The following DIP2A variants were observed in gnomAD, a reference collection of about 807,000 sequenced individuals.
DIP2A encodes the protein DIP2 acetate--CoA ligase A.
Under a neutral mutation model 177.4 loss-of-function variants are expected in DIP2A, and 85 were observed. The ratio of observed to expected loss-of-function variants is 0.48; its 90% CI spans 0.40 to 0.57. The LOEUF is 0.57. Among genes scored for constraint, DIP2A ranks in the 20% least tolerant of loss-of-function variants. The probability of loss-of-function intolerance (pLI) is 0.00; values close to 1 mark genes in which losing one functional copy is unlikely to be tolerated. For synonymous variants in DIP2A, 886 were observed against 881.8 expected (o/e 1.00, Z -0.08); for missense variants, 1,791 against 2,100.2 (o/e 0.85, Z 2.88).
Position 46,567,820 on chromosome 21 carries a change from C to T in DIP2A, c.*198C>T, listed in dbSNP as rs1764894980. ...AGAAATATTTTGAATCTGCCAAGTA[C>T]ATTTACAAAAACACGGATGCTGGTA... On this transcript the variant is annotated 3_prime_UTR_variant, in exon 38 of 38. Coordinates refer to ENST00000417564, the MANE Select transcript of DIP2A (RefSeq NM_015151.4). The T allele has an allele frequency of 3.4e-6, 2 of 596,928 alleles. No individual in the cohort carries two copies. The highest frequency in any genetic ancestry group is 8.0e-5 in the South Asian group (2 of 24,970). 37.0% of individuals were successfully genotyped at this position (596,928 alleles called of 1,614,324 possible).
rs1456861945 is a variant in DIP2A at position 46,498,132 on chromosome 21, A to G, written c.404-450A>G. Among the ~76,000 whole-genome samples the G allele has an allele frequency of 6.6e-6, 1 of 152,214 alleles. No individual in the cohort carries two copies. The highest frequency in any genetic ancestry group is 2.4e-5 in the African/African-American group (1 of 41,454). On this transcript the variant is annotated intron_variant, in intron 4 of 37. Transcript: ENST00000417564. The surrounding 1 kb of genome is among the most constrained non-coding windows in gnomAD (Gnocchi z 4.3). ...CCATGTTGTTGCTGGGGCCATGCAC[A>G]GGCCAGGATGCCTTCTCACTGCCTC...
At chr21:46,532,639 A>G (rs1356003941) in intron 10 of DIP2A, among the ~76,000 whole-genome samples, 4 of 152,244 alleles carry the variant, frequency 2.6e-5, no homozygotes, top group African/African-American at 9.6e-5. Context: ...TCTTAGGGAT[A>G]AATATATCAT....
chr21:46,504,284 A>G, intron 5 of DIP2A, 77 bp from the exon 6 acceptor site: 2 of 1,566,198 alleles, frequency 1.3e-6, no homozygotes, highest in Non-Finnish European at 1.7e-6. Flanking sequence ...GCTTTAGACT[A>G]ACGGGGTTTC....
chr21:46,548,923 A>G (rs976216565), intron 21 of DIP2A, among the ~76,000 whole-genome samples: 5 of 152,258 alleles, frequency 3.3e-5, no homozygotes, highest in African/African-American at 9.6e-5. Flanking sequence ...ATAACAGTGC[A>G]CCCAATTTAT....
chr21:46,511,332 A>G (rs1029262), intron 7 of DIP2A, 85 bp from the exon 8 acceptor site: 453,321 of 1,342,690 alleles, frequency 0.34, 78,424 homozygotes, highest in Admixed American at 0.39. Context: ...TTAAAAAACA[A>G]TATTATAAAC....
intron 1 of DIP2A, among the ~76,000 whole-genome samples, chr21:46,465,951 T>G (rs1449711002): frequency 6.6e-6 from 1 of 152,184 alleles, no homozygotes; most frequent in Non-Finnish European, 1.5e-5. Context: ...TATTGAGACT[T>G]GGGTATTTGG....
chr21:46,554,764 C>G, intron 27 of DIP2A, 58 bp from the exon 28 acceptor site: 1 of 1,544,788 alleles, frequency 6.5e-7, no homozygotes, highest in Non-Finnish European at 8.7e-7. Flanking sequence ...TCCGCTGCCC[C>G]CTTTTCTGGG....
chr21:46,547,371 T>C (rs932335989), intron 21 of DIP2A, among the ~76,000 whole-genome samples: 13 of 152,150 alleles, frequency 8.5e-5, no homozygotes, highest in African/African-American at 3.1e-4. Context: ...AACCTTGGAA[T>C]GTGAATTAAA....
At position 46,538,626 on chromosome 21, in the gene DIP2A, G is replaced by A. The variant is rs372415615; in HGVS notation, c.1921+24G>A. On this transcript the variant is annotated intron_variant, in intron 16 of 37. Transcript: ENST00000417564. Reference sequence around the variant, plus strand: ...GTGTGAGTGAGCCTGTGTGCCCGGCGCATACCCCACACAGTGTCCCCTCCT... The same window carrying A: ...GTGTGAGTGAGCCTGTGTGCCCGGCACATACCCCACACAGTGTCCCCTCCT... The A allele has an allele frequency of 3.7e-4, 570 of 1,544,656 alleles. 1 individual carries two copies. The highest frequency in any genetic ancestry group is 4.2e-4 in the Non-Finnish European group (478 of 1,146,676).
At chr21:46,543,485 C>T (rs1268726581) in intron 18 of DIP2A, among the ~76,000 whole-genome samples, 1 of 151,286 alleles carries the variant, frequency 6.6e-6, no homozygotes, top group Non-Finnish European at 1.5e-5. Flanking sequence ...AGCGCACCCC[C>T]CTCCCCCAGG....
intron 6 of DIP2A, among the ~76,000 whole-genome samples, chr21:46,508,381 A>G (rs1363212029): frequency 7.9e-6 from 1 of 127,378 alleles, no homozygotes; most frequent in Non-Finnish European, 1.7e-5. Context: ...TTTTTTGAGA[A>G]GAAGTCTCCC....
Position 46,537,487 on chromosome 21 carries a change from G to A in DIP2A, c.1749G>A (p.Ala583=), listed in dbSNP as rs755646330. The stretch of plus-strand genomic sequence containing the variant: ...TGCACGTGGTCAGCGTCCCCTACGC[G>A]CTGATGAAGGCGAACCCACTCTCCT... The part of the protein sequence containing the change: ...NRMHVVSVPY[A]LMKANPLSWI... The change falls in exon 15 of 38, where the codon GCG becomes GCA. Residue 583 remains alanine (A), a synonymous_variant. Transcript: ENST00000417564. The surrounding 1 kb of genome is among the most constrained non-coding windows in gnomAD (Gnocchi z 4.1). 30 of 1,614,076 alleles carry A rather than the reference G, an allele frequency of 1.9e-5. No homozygotes were observed. Among genetic ancestry groups the A allele is most frequent in the East Asian group, 1.3e-4 (6 of 44,890 alleles).
chr21:46,461,962 C>G (rs374527244), intron 1 of DIP2A, among the ~76,000 whole-genome samples: 1 of 151,688 alleles, frequency 6.6e-6, no homozygotes, highest in Admixed American at 6.6e-5. Context: ...CTTGAGGGGC[C>G]GAGGTGGGAG....
chr21:46,545,357 T>G, intron 19 of DIP2A, 84 bp downstream of exon 19: 1 of 1,478,112 alleles, frequency 6.8e-7, no homozygotes, highest in South Asian at 1.3e-5. Context: ...TGCTGGGGGA[T>G]TGCAGAGGCT....
At position 46,541,766 on chromosome 21, in the gene DIP2A, C is replaced by G; in HGVS notation, c.2047C>G (p.Leu683Val). ...GGTTTTATTTTCTAGGCCACCTGAT[C>G]TGGGAGGACCACCTCCAAGAAAAGC... ...LTVAIRRPPDLGGPPPRKAVL... is the reference protein window; with the variant it reads ...LTVAIRRPPDVGGPPPRKAVL... Residue 683 changes from leucine to valine, a missense_variant, in exon 18 of 38, where the codon CTG (leucine) becomes GTG (valine). Physicochemically the swap from Leu to Val is conservative, Grantham distance 32. Transcript: ENST00000417564. 1 of 1,613,930 alleles carries G rather than the reference C, an allele frequency of 6.2e-7. No individual in the cohort carries two copies. The highest frequency in any genetic ancestry group is 8.5e-7 in the Non-Finnish European group (1 of 1,179,864).
chr21:46,552,745 C>G (rs966308178), intron 25 of DIP2A, among the ~76,000 whole-genome samples: 4 of 152,192 alleles, frequency 2.6e-5, no homozygotes, highest in Non-Finnish European at 4.4e-5. Flanking sequence ...TGCTAGAAAA[C>G]AAGTTCCGTA....
the DIP2A span, among the ~76,000 whole-genome samples, chr21:46,576,182 T>C: frequency 0.1 from 15,885 of 152,248 alleles, 1,026 homozygotes; most frequent in East Asian, 0.34. Context: ...ATTTGTTTCA[T>C]AGGCAAACAT....
At chr21:46,500,894 G>A (rs1403963425) in intron 5 of DIP2A, among the ~76,000 whole-genome samples, 1 of 152,192 alleles carries the variant, frequency 6.6e-6, no homozygotes, top group Non-Finnish European at 1.5e-5. Flanking sequence ...TCCTGCAGAT[G>A]CAGCTGTAAT....
At chr21:46,554,088 G>T in intron 25 of DIP2A, 81 bp from the exon 26 acceptor site, 1 of 1,512,668 alleles carries the variant, frequency 6.6e-7, no homozygotes, top group Non-Finnish European at 8.9e-7. Context: ...GCAGTGGCGT[G>T]CAGGTGGTGT....
Sources: allele counts gnomAD v4.1 joint callset (sites outside exome capture counted in the v4.1 genomes callset), GRCh38; gene constraint gnomAD v4.1.1; non-coding constraint Gnocchi (gnomAD v3.1); transcripts MANE v1.5; gene names NCBI Gene and HGNC (gene_info 2026-07-23, HGNC 2026-07-21).